PSMD5: variants seen among roughly 807,000 people sequenced by gnomAD.
The protein encoded by PSMD5 is proteasome 26S subunit, non-ATPase 5, also known as 26S proteasome non-ATPase regulatory subunit 5.
In PSMD5, 40 loss-of-function variants were observed where a neutral mutation model predicts 52.1. The observed-to-expected ratio is 0.77, with a 90% CI of 0.60 to 1.00. The LOEUF (loss-of-function observed/expected upper bound fraction) is 1.00, where lower values mean the gene tolerates loss of function less well. PSMD5 is among the 50% of genes least tolerant of loss of function. PSMD5 has a pLI of 0.00. For missense variants in PSMD5, 575 were observed against 605.2 expected, an observed-to-expected ratio of 0.95 and a Z score of 0.52; for synonymous variants, 211 against 226.6, an observed-to-expected ratio of 0.93 and a Z score of 0.62.
chr9:120,833,258 C>A, intron 2 of PSMD5, 54 bp downstream of exon 2: 1 of 1,569,674 alleles, frequency 6.4e-7, no homozygotes, highest in Non-Finnish European at 8.7e-7. Context: ...TGTCCCAGTG[C>A]AGAACCTGGC....
At position 120,821,411 on chromosome 9, in the gene PSMD5, G is replaced by A. The variant is rs138098653; in HGVS notation, c.1060C>T (p.Pro354Ser). Residue 354 changes from proline to serine, a missense_variant, in exon 8 of 10, where the codon CCA (proline) becomes TCA (serine). Transcript: ENST00000210313. Reference sequence around the variant, plus strand: ...AAACATCTAATTTTTAGCTCCACTGGGGCATTCTTTGATTGATGTCCTATT... The same window carrying A: ...AAACATCTAATTTTTAGCTCCACTGAGGCATTCTTTGATTGATGTCCTATT... ...MRIGHQSKNA[P>S]VELKIRCLDA... 245 of 1,609,278 alleles carry A rather than the reference G, an allele frequency of 1.5e-4. No homozygotes were observed. The highest frequency in any genetic ancestry group is 3.3e-4 in the Middle Eastern group (2 of 6,014).
At chr9:120,832,459 C>T (rs1192971981) in intron 2 of PSMD5, among the ~76,000 whole-genome samples, 7 of 146,610 alleles carry the variant, frequency 4.8e-5, no homozygotes, top group Admixed American at 1.4e-4. Flanking sequence ...TGCAGTGGCG[C>T]GATCTCAGCT....
At position 120,830,382 on chromosome 9, in the gene PSMD5, T is replaced by C. The variant is rs77854507; in HGVS notation, c.561+949A>G. ...TCGAGCTCAGAAGAAAGGTCTCAGT[T>C]GGAAGTTTACATCTGAGAGGCATCA... On this transcript the variant is annotated intron_variant, in intron 4 of 9. Transcript: ENST00000210313. Among the ~76,000 whole-genome samples, 508 of 152,300 alleles carry C rather than the reference T, an allele frequency of 3.3e-3. 2 individuals carry two copies. Among genetic ancestry groups the C allele is most frequent in the African/African-American group, 0.012 (481 of 41,564 alleles).
intron 5 of PSMD5, 24 bp from the exon 6 acceptor site, chr9:120,826,931 C>T: frequency 6.3e-7 from 1 of 1,598,692 alleles, no homozygotes; most frequent in Non-Finnish European, 8.5e-7. Context: ...AGGACAAAAA[C>T]AAGGAGATTT....
intron 7 of PSMD5, chr9:120,824,179 C>A: frequency 3.2e-6 from 1 of 314,654 alleles, no homozygotes; most frequent in Non-Finnish European, 5.9e-6. Context: ...TGACTCTAGC[C>A]CGTGGTCTTT....
chr9:120,821,100 G>C, intron 8 of PSMD5, 121 bp from the exon 9 acceptor site: 1 of 1,192,298 alleles, frequency 8.4e-7, no homozygotes. Context: ...TGTGAAACTG[G>C]CTAAGTCTGG....
chr9:120,824,429 G>T, intron 7 of PSMD5, 65 bp downstream of exon 7: 2 of 1,513,704 alleles, frequency 1.3e-6, no homozygotes, highest in Non-Finnish European at 9.2e-7. Context: ...ACCAGCAAAT[G>T]AACTTACATA....
In PSMD5 at chr9:120,821,338, T is replaced by C; in HGVS notation, c.1116+17A>G. Reference sequence around the variant, plus strand: ...AAACATATCCCACTGTCCTTCATTATTTCCCTACCTACTTACTGGTAAGTA... The same window carrying C: ...AAACATATCCCACTGTCCTTCATTACTTCCCTACCTACTTACTGGTAAGTA... On this transcript the variant is annotated intron_variant, in intron 8 of 9. Transcript: ENST00000210313. 6.8e-7 allele frequency: 1 copy of C among 1,469,266 alleles called. No individual in the cohort carries two copies. The highest frequency in any genetic ancestry group is 9.3e-7 in the Non-Finnish European group (1 of 1,071,792). The allele number at this position is 1,469,266 out of a possible 1,614,324, so 91.0% of individuals were successfully genotyped here.
chr9:120,825,815 G>A (rs1262850221), intron 6 of PSMD5, among the ~76,000 whole-genome samples: 5 of 151,882 alleles, frequency 3.3e-5, no homozygotes, highest in Non-Finnish European at 7.4e-5. Flanking sequence ...CAGTTTTTTG[G>A]TGGAAACTTT....
rs745563873 is a variant in PSMD5, at chr9:120,831,895, A to G, written c.369T>C (p.Asn123=). Residue 123 remains asparagine (N), a synonymous_variant, in exon 3 of 10, where the codon AAT becomes AAC. Coordinates refer to ENST00000210313, the MANE Select transcript of PSMD5 (RefSeq NM_005047.4). ...AAACAATTTGTTTTAGTAATTCAGC[A>G]TTATTTAGAATCTCAGTAACAGCAT... is the stretch of plus-strand genomic sequence containing the variant. ...NSDAVTEILN[N]AELLKQIVYC... The G allele has an allele frequency of 1.3e-5, 21 of 1,613,320 alleles. No individual in the cohort carries two copies. The highest frequency in any genetic ancestry group is 2.5e-6 in the Non-Finnish European group (3 of 1,179,876).
rs756365476 is a variant in PSMD5 at position 120,824,526 on chromosome 9, T to G, written c.974A>C (p.Asn325Thr). The part of the protein sequence containing the change: ...AVDTVGILGS[N>T]VEGKQVLQKT... ...CTGTAAAACCTGTTTTCCTTCAACA[T>G]TGGATCCCAAGATTCCAACTGTGTC... The change falls in exon 7 of 10, where the codon AAT becomes ACT. Residue 325 changes from asparagine (N) to threonine (T), a missense_variant. Asn to Thr is a moderately conservative substitution (Grantham distance 65). Coordinates refer to ENST00000210313, the MANE Select transcript of PSMD5 (RefSeq NM_005047.4). The G allele has an allele frequency of 3.1e-6, 5 of 1,614,164 alleles. No homozygotes were observed. In the South Asian group the frequency reaches 5.5e-5, roughly 18 times the overall value.
chr9:120,819,286 A>C (rs913088674), intron 9 of PSMD5, among the ~76,000 whole-genome samples: 1 of 152,208 alleles, frequency 6.6e-6, no homozygotes. Flanking sequence ...CTGAATTAGA[A>C]TCTACATTTT....
Position 120,842,901 on chromosome 9 carries a change from G to T in PSMD5, c.9C>A (p.Ala3=), listed in dbSNP as rs774389574. Reference sequence around the variant, plus strand: ...CCTCTCTCAGCAGCGCCAAAGCCTGGGCTGCCATCTTGCCCCCCGACGCAG... The same window carrying T: ...CCTCTCTCAGCAGCGCCAAAGCCTGTGCTGCCATCTTGCCCCCCGACGCAG... MA[A]QALALLREVA... Residue 3 remains alanine, a synonymous_variant, in exon 1 of 10, where the codon GCC becomes GCA. Coordinates refer to ENST00000210313, the MANE Select transcript of PSMD5 (RefSeq NM_005047.4). 1.5e-5 allele frequency: 24 copies of T among 1,586,898 alleles called. No individual in the cohort carries two copies. Among genetic ancestry groups the T allele is most frequent in the Non-Finnish European group, 2.0e-5 (23 of 1,172,234 alleles).
intron 6 of PSMD5, chr9:120,824,988 A>G: frequency 4.6e-6 from 1 of 219,064 alleles, no homozygotes; most frequent in Non-Finnish European, 8.9e-6. Flanking sequence ...TAGACTCATT[A>G]CCAGGAAGAA....
intron 1 of PSMD5, chr9:120,841,755 C>T (rs2045239944): frequency 1.3e-5 from 2 of 152,164 alleles, no homozygotes; most frequent in African/African-American, 4.8e-5. Context: ...TGTTCTGGTG[C>T]CACACACGAT....
intron 5 of PSMD5, 125 bp downstream of exon 5, chr9:120,828,974 A>G (rs938705602): frequency 1.5e-5 from 19 of 1,268,950 alleles, no homozygotes; most frequent in Non-Finnish European, 1.9e-5. Flanking sequence ...CTCCTTCAGG[A>G]CACACATCAG....
At chr9:120,834,066 G>A (rs1416056079) in intron 1 of PSMD5, among the ~76,000 whole-genome samples, 1 of 133,654 alleles carries the variant, frequency 7.5e-6, no homozygotes, top group South Asian at 2.7e-4. Context: ...TGCAACCTCC[G>A]CCTCCTGGGT....
At chr9:120,833,267 GC>G (rs2045173482) in intron 2 of PSMD5, 44 bp downstream of exon 2, 3 of 1,593,178 alleles carry the variant, frequency 1.9e-6, no homozygotes, top group Non-Finnish European at 2.6e-6. Context: ...GCAGAACCTG[GC>G]CCAGAGCAGG....
chr9:120,817,923 C>G lies in PSMD5; in HGVS notation c.1498G>C (p.Val500Leu). The change falls in exon 10 of 10, where the codon GTA becomes CTA. Residue 500 changes from valine to leucine, a missense_variant. Physicochemically the swap from Val to Leu is conservative, Grantham distance 32 (BLOSUM62 1). Transcript: ENST00000210313. Reference protein sequence around the residue: ...YYVKPVSTTAVEGAE With the variant: ...YYVKPVSTTALEGAE Reference sequence around the variant, plus strand: ...AGAAGAAATCATTCGGCTCCTTCTACTGCTGTCGTGGAAACAGGTTTCACA... The same window carrying G: ...AGAAGAAATCATTCGGCTCCTTCTAGTGCTGTCGTGGAAACAGGTTTCACA... 2.5e-6 allele frequency: 4 copies of G among 1,612,894 alleles called. No homozygotes were observed. The highest frequency in any genetic ancestry group is 3.4e-6 in the Non-Finnish European group (4 of 1,178,970).
Sources: allele counts gnomAD v4.1 joint callset (sites outside exome capture counted in the v4.1 genomes callset), GRCh38; gene constraint gnomAD v4.1.1; transcripts MANE v1.5; gene names NCBI Gene and HGNC (gene_info 2026-07-23, HGNC 2026-07-21).